The following RIMKLB variants were observed in gnomAD, a reference collection of about 807,000 sequenced individuals.
RIMKLB encodes ribosomal modification protein rimK like family member B.
Under a neutral mutation model 32.0 loss-of-function variants are expected in RIMKLB, and 7 were observed. That is an observed-to-expected ratio of 0.22 (90% CI 0.12 to 0.41). RIMKLB has a LOEUF of 0.41. RIMKLB is among the 10% of genes least tolerant of loss of function. The pLI is 1.00. For synonymous variants in RIMKLB, 172 were observed against 185.1 expected (o/e 0.93, Z 0.57); for missense variants, 289 against 498.7 (o/e 0.58, Z 4.00).
In RIMKLB at chr12:8,721,992, C is replaced by T. The variant is rs749838671; in HGVS notation, c.175+7951C>T. On this transcript the variant is annotated intron_variant, in intron 2 of 5. Transcript: ENST00000535829. Reference sequence around the variant, plus strand: ...CTCCTGACCTCAGGTGATCCACCCACCTCGGCCTCCCAAAGTGCTGGGATT... The same window carrying T: ...CTCCTGACCTCAGGTGATCCACCCATCTCGGCCTCCCAAAGTGCTGGGATT... Among the ~76,000 whole-genome samples, 3 of 152,278 alleles carry T rather than the reference C, an allele frequency of 2.0e-5. No individual in the cohort carries two copies. The East Asian group carries it at 5.8e-4, about 29-fold the overall frequency.
At chr12:8,777,648 C>T (rs1235752761), downstream of RIMKLB, 9 of 1,288,902 alleles carry the variant, frequency 7.0e-6, no homozygotes, top group Non-Finnish European at 9.1e-6. Context: ...AGAGAAAAAA[C>T]TTTCCTTCTT....
chr12:8,751,964 C>T lies in RIMKLB; in HGVS notation c.414C>T (p.His138=), dbSNP rs371469184. 1.9e-5 allele frequency: 31 copies of T among 1,611,564 alleles called. No individual in the cohort carries two copies. Among genetic ancestry groups the T allele is most frequent in the Admixed American group, 5.0e-5 (3 of 59,856 alleles). Residue 138 remains histidine (H), a synonymous_variant, in exon 4 of 6, where the codon CAC becomes CAT. Coordinates refer to ENST00000535829, the MANE Select transcript of RIMKLB (RefSeq NM_001297776.2). ...PLPDTFSYGG[H]ENFAKMIDEA... Reference sequence around the variant, plus strand: ...TTGTATTGCTCAAACCAGGTGGCCACGAAAATTTTGCTAAAATGATTGATG... The same window carrying T: ...TTGTATTGCTCAAACCAGGTGGCCATGAAAATTTTGCTAAAATGATTGATG...
At chr12:8,753,770 TAAAAAA>T (rs57839091) in intron 4 of RIMKLB, 114 bp from the exon 5 acceptor site, 1 of 719,670 alleles carries the variant, frequency 1.4e-6, no homozygotes. Flanking sequence ...AAAGAAAACT[TAAAAAA>T]AAAATGTAGT....
intron 5 of RIMKLB, among the ~76,000 whole-genome samples, chr12:8,756,173 T>C (rs752986552): frequency 6.7e-6 from 1 of 149,306 alleles, no homozygotes; most frequent in Non-Finnish European, 1.5e-5. Context: ...AAAAAAAAAT[T>C]AGCTGGGCAT....
At chr12:8,698,587 C>G (rs115158006) in intron 1 of RIMKLB, among the ~76,000 whole-genome samples, 1,649 of 152,222 alleles carry the variant, frequency 0.011, 26 homozygotes, top group African/African-American at 0.038. Flanking sequence ...GCGGCGACTT[C>G]GGGCGTGTAA....
At chr12:8,719,591 A>G (rs1387032782) in intron 2 of RIMKLB, among the ~76,000 whole-genome samples, 1 of 151,748 alleles carries the variant, frequency 6.6e-6, no homozygotes, top group East Asian at 1.9e-4. Flanking sequence ...CTGGACTCGA[A>G]CTCCTGACCT....
At chr12:8,742,703 G>T (rs187537381) in intron 2 of RIMKLB, 34 of 223,122 alleles carry the variant, frequency 1.5e-4, no homozygotes, top group Middle Eastern at 1.9e-3. Flanking sequence ...GCTGAAGTTT[G>T]CTACCACCAC....
At chr12:8,682,460 C>T (rs974105192) in intron 1 of RIMKLB, among the ~76,000 whole-genome samples, 2 of 152,078 alleles carry the variant, frequency 1.3e-5, no homozygotes, top group Non-Finnish European at 2.9e-5. Context: ...AATGATGAGT[C>T]AGTCAAGGAG....
At chr12:8,684,505 G>A (rs186044144) in intron 1 of RIMKLB, among the ~76,000 whole-genome samples, 1 of 152,244 alleles carries the variant, frequency 6.6e-6, no homozygotes, top group African/African-American at 2.4e-5. Flanking sequence ...TTTAGGAGTG[G>A]TATCTTTTGC....
intron 3 of RIMKLB, among the ~76,000 whole-genome samples, chr12:8,750,956 A>G (rs1417115004): frequency 6.6e-6 from 1 of 152,196 alleles, no homozygotes; most frequent in African/African-American, 2.4e-5. Flanking sequence ...ATGAGGCTTT[A>G]CAAAGGAACC....
intron 1 of RIMKLB, among the ~76,000 whole-genome samples, chr12:8,698,657 CG>C (rs1174890743): frequency 1.3e-5 from 2 of 152,044 alleles, no homozygotes; most frequent in Non-Finnish European, 2.9e-5. Context: ...CGGCTGGAGT[CG>C]GACCCGCGGG....
chr12:8,737,346 T>A (rs772177172), intron 2 of RIMKLB, among the ~76,000 whole-genome samples: 1 of 151,958 alleles, frequency 6.6e-6, no homozygotes, highest in Non-Finnish European at 1.5e-5. Context: ...TTGTCTGATA[T>A]ATACTAAGGA....
chr12:8,777,938 T>C (rs1240294708), downstream of RIMKLB: 1 of 169,054 alleles, frequency 5.9e-6, no homozygotes, highest in East Asian at 1.7e-4. Context: ...TAAATGTATC[T>C]AGCAAATAAT....
At chr12:8,772,278 CTCTT>C (rs969393679) in intron 5 of RIMKLB, among the ~76,000 whole-genome samples, 109 of 152,340 alleles carry the variant, frequency 7.2e-4, no homozygotes, top group African/African-American at 2.5e-3. Context: ...CGACTGTACT[CTCTT>C]TGAGTTTCTC....
the RIMKLB span, among the ~76,000 whole-genome samples, chr12:8,673,600 C>CTT: frequency 1.4e-5 from 2 of 143,724 alleles, no homozygotes; most frequent in Admixed American, 7.0e-5. Context: ...ACTCGAGCTT[C>CTT]TTTTTTTTTT....
At chr12:8,695,212 C>A (rs1400773255), upstream of RIMKLB, among the ~76,000 whole-genome samples, 2 of 140,074 alleles carry the variant, frequency 1.4e-5, no homozygotes, top group Non-Finnish European at 3.2e-5. Context: ...CCGCCCCGCC[C>A]GGCCCCGACA....
At chr12:8,685,633 T>A (rs764994227) in intron 1 of RIMKLB, among the ~76,000 whole-genome samples, 5 of 148,294 alleles carry the variant, frequency 3.4e-5, no homozygotes, top group Non-Finnish European at 7.4e-5. Context: ...GGATTTGCAG[T>A]GATGCCTGCT....
intron 5 of RIMKLB, among the ~76,000 whole-genome samples, chr12:8,770,484 A>G (rs1453463260): frequency 6.6e-6 from 1 of 152,098 alleles, no homozygotes; most frequent in Non-Finnish European, 1.5e-5. Context: ...TTATACCTAT[A>G]TTGCAAAGTA....
rs201727444 is a variant in RIMKLB at position 8,773,697 on chromosome 12, G to C, written c.1074G>C (p.Thr358=). Residue 358 remains threonine (T), a synonymous_variant, in exon 6 of 6, where the codon ACG becomes ACC. Transcript: ENST00000535829. ...CTGTTGACAGCGACCCTGAAAGCACGGAGCGAGAGCTGCTCACCAAGCTCC... is the reference window on the plus strand; with the variant it reads ...CTGTTGACAGCGACCCTGAAAGCACCGAGCGAGAGCTGCTCACCAAGCTCC... The part of the protein sequence containing the change: ...SSSVDSDPES[T]ERELLTKLPG... The C allele has an allele frequency of 6.2e-7, 1 of 1,614,236 alleles. No homozygotes were observed. The highest frequency in any genetic ancestry group is 1.7e-5 in the Admixed American group (1 of 60,030).
Sources: allele counts gnomAD v4.1 joint callset (sites outside exome capture counted in the v4.1 genomes callset), GRCh38; gene constraint gnomAD v4.1.1; transcripts MANE v1.5; gene names NCBI Gene and HGNC (gene_info 2026-07-23, HGNC 2026-07-21).